Variants in GABRB3 observed in about 807,000 individuals in gnomAD.
GABRB3 encodes gamma-aminobutyric acid type A receptor subunit beta3, also known as gamma-aminobutyric acid receptor subunit beta-3.
A neutral mutation model predicts 52.1 loss-of-function variants in GABRB3; 14 were observed. That is an observed-to-expected ratio of 0.27 (90% CI 0.18 to 0.42). GABRB3 has a LOEUF of 0.42. Among genes scored for constraint, GABRB3 ranks in the 10% least tolerant of loss-of-function variants. The pLI is 1.00. For synonymous variants in GABRB3, 260 were observed against 232.3 expected, an observed-to-expected ratio of 1.12 and a Z score of -1.08; for missense variants, 307 against 609.1, an observed-to-expected ratio of 0.50 and a Z score of 5.22.
chr15:26,578,550 A>G (rs1223232176), intron 6 of GABRB3, among the ~76,000 whole-genome samples: 2 of 152,224 alleles, frequency 1.3e-5, no homozygotes, highest in Non-Finnish European at 2.9e-5. Context: ...AAGTGCTTTC[A>G]AGTTAGTGGA....
chr15:26,656,028 T>C (rs1887362399), intron 3 of GABRB3, among the ~76,000 whole-genome samples: 1 of 152,210 alleles, frequency 6.6e-6, no homozygotes, highest in Non-Finnish European at 1.5e-5. Context: ...TTCCTTTCTG[T>C]TATTTGCCTC....
At chr15:26,704,558 T>G (rs1454746010) in intron 3 of GABRB3, among the ~76,000 whole-genome samples, 1 of 152,220 alleles carries the variant, frequency 6.6e-6, no homozygotes, top group Non-Finnish European at 1.5e-5. Context: ...TACATTGTCC[T>G]TCCCTTTTAA....
At chr15:26,748,481 A>T (rs1890410428) in intron 3 of GABRB3, among the ~76,000 whole-genome samples, 2 of 151,960 alleles carry the variant, frequency 1.3e-5, no homozygotes, top group African/African-American at 4.8e-5. Flanking sequence ...ATTTTTTCTG[A>T]AGTGTTGAAT....
At chr15:26,735,827 T>C (rs930930068) in intron 3 of GABRB3, among the ~76,000 whole-genome samples, 157 of 152,078 alleles carry the variant, frequency 1.0e-3, no homozygotes, top group African/African-American at 3.7e-3. Context: ...TGGTGGCACA[T>C]GACTGTGGTC....
At chr15:26,737,094 T>A (rs1265709059) in intron 3 of GABRB3, among the ~76,000 whole-genome samples, 5 of 152,170 alleles carry the variant, frequency 3.3e-5, no homozygotes, top group Non-Finnish European at 4.4e-5. Context: ...ACTCTCTAGG[T>A]CTGTTCCAGA....
chr15:26,671,314 A>T (rs1887891536), intron 3 of GABRB3, among the ~76,000 whole-genome samples: 1 of 152,224 alleles, frequency 6.6e-6, no homozygotes, highest in Non-Finnish European at 1.5e-5. Flanking sequence ...TCATTATGCT[A>T]CTCAAGTATC....
chr15:26,660,629 T>G (rs1040361310), intron 3 of GABRB3, among the ~76,000 whole-genome samples: 6 of 152,166 alleles, frequency 3.9e-5, no homozygotes, highest in Admixed American at 3.9e-4. Flanking sequence ...TGGGATATTT[T>G]GGGGAAAGCA....
At chr15:26,664,671 C>T (rs1887648346) in intron 3 of GABRB3, among the ~76,000 whole-genome samples, 1 of 151,108 alleles carries the variant, frequency 6.6e-6, no homozygotes, top group African/African-American at 2.4e-5. Context: ...GTACCCATCA[C>T]CTCAAGCCCT....
intron 3 of GABRB3, among the ~76,000 whole-genome samples, chr15:26,759,627 G>C (rs755240911): frequency 1.3e-5 from 2 of 152,166 alleles, no homozygotes; most frequent in African/African-American, 4.8e-5. Flanking sequence ...TTAAATGCTG[G>C]CTCCTCGCCC....
chr15:26,651,488 G>C (rs897973772), intron 3 of GABRB3, among the ~76,000 whole-genome samples: 5 of 152,330 alleles, frequency 3.3e-5, no homozygotes, highest in African/African-American at 1.2e-4. Flanking sequence ...ATAAAAATCA[G>C]GTGTAAATAT....
At position 26,543,908 on chromosome 15, in the gene GABRB3, G is replaced by A. The variant is rs1342512505; in HGVS notation, c.*3885C>T. 2.6e-5 allele frequency: 4 copies of A among 152,586 alleles called. No homozygotes were observed. Among genetic ancestry groups the A allele is most frequent in the Admixed American group, 2.6e-4 (4 of 15,278 alleles). The allele number at this position is 152,586 out of a possible 1,614,324, so 9.5% of individuals were successfully genotyped here. ...AGGTCATTGTTTACCCAGGTGTTGG[G>A]AATTTAGTATTTCAGGAAAACATGG... On this transcript the variant is annotated 3_prime_UTR_variant, in exon 9 of 9. Coordinates refer to ENST00000311550, the MANE Select transcript of GABRB3 (RefSeq NM_000814.6).
chr15:26,740,945 G>A (rs1016403868), intron 3 of GABRB3, among the ~76,000 whole-genome samples: 4 of 152,026 alleles, frequency 2.6e-5, no homozygotes, highest in African/African-American at 7.3e-5. Context: ...GGAGCAGCAC[G>A]GAGCCGACTC....
intron 8 of GABRB3, among the ~76,000 whole-genome samples, chr15:26,557,279 T>C (rs1262840039): frequency 1.6e-4 from 24 of 152,050 alleles, no homozygotes; most frequent in Non-Finnish European, 5.9e-5. Context: ...CCCTTGAGTG[T>C]GAAGGGTGAG....
At chr15:26,552,527 T>C (rs1889514797) in intron 8 of GABRB3, among the ~76,000 whole-genome samples, 1 of 152,182 alleles carries the variant, frequency 6.6e-6, no homozygotes, top group African/African-American at 2.4e-5. Flanking sequence ...GCATGTCCCT[T>C]GTGCAGGCCA....
intron 4 of GABRB3, among the ~76,000 whole-genome samples, chr15:26,601,745 C>A (rs1310760343): frequency 6.6e-6 from 1 of 151,702 alleles, no homozygotes; most frequent in Non-Finnish European, 1.5e-5. Context: ...AACCTCAAAT[C>A]AAAAAATGTA....
At chr15:26,552,905 G>T (rs935929210) in intron 8 of GABRB3, among the ~76,000 whole-genome samples, 1 of 152,140 alleles carries the variant, frequency 6.6e-6, no homozygotes, top group East Asian at 1.9e-4. Context: ...TCCATTTACT[G>T]CAACAAATAT....
chr15:26,724,071 T>C (rs1465444258), intron 3 of GABRB3, among the ~76,000 whole-genome samples: 2 of 152,198 alleles, frequency 1.3e-5, no homozygotes, highest in African/African-American at 4.8e-5. Flanking sequence ...TCTGCTCTCC[T>C]GGTTCACAAG....
intron 4 of GABRB3, among the ~76,000 whole-genome samples, chr15:26,590,870 G>A (rs1461159017): frequency 3.3e-5 from 5 of 152,124 alleles, no homozygotes; most frequent in African/African-American, 7.2e-5. Context: ...CTGAATGTGC[G>A]CCAACTTTGT....
intron 3 of GABRB3, among the ~76,000 whole-genome samples, chr15:26,684,532 T>C (rs754282530): frequency 6.6e-6 from 1 of 152,222 alleles, no homozygotes; most frequent in Non-Finnish European, 1.5e-5. Context: ...CGGCCTGTTT[T>C]GGCTTTCGGC....
Sources: gnomAD v4.1 joint callset for allele counts (sites outside exome capture counted in the v4.1 genomes callset) on GRCh38, gnomAD v4.1.1 for gene constraint, MANE v1.5 for transcripts, NCBI Gene and HGNC (gene_info 2026-07-23, HGNC 2026-07-21) for gene names.